Variants in PRR11 observed in about 807,000 individuals in gnomAD.
The protein encoded by PRR11 is proline rich 11, also known as proline-rich protein 11.
Under a neutral mutation model 45.6 loss-of-function variants are expected in PRR11, and 30 were observed. That is an observed-to-expected ratio of 0.66 (90% CI 0.49 to 0.89). The LOEUF (loss-of-function observed/expected upper bound fraction) is 0.89, where lower values mean the gene tolerates loss of function less well. PRR11 is among the 40% of genes least tolerant of loss of function. The pLI is 0.00. For synonymous variants in PRR11, 128 were observed against 153.5 expected (o/e 0.83, Z 1.23); for missense variants, 373 against 424.8 (o/e 0.88, Z 1.07).
At chr17:59,165,649 G>A (rs1190395964) in intron 1 of PRR11, among the ~76,000 whole-genome samples, 3 of 151,858 alleles carry the variant, frequency 2.0e-5, no homozygotes, top group Non-Finnish European at 4.4e-5. Context: ...AAAATTAGCC[G>A]GGCGTGGTGG....
Position 59,197,706 on chromosome 17 carries a change from A to G in PRR11, c.931A>G (p.Thr311Ala), listed in dbSNP as rs1280710997. The G allele has an allele frequency of 2.5e-6, 4 of 1,614,046 alleles. No homozygotes were observed. The highest frequency in any genetic ancestry group is 3.4e-6 in the Non-Finnish European group (4 of 1,179,970). The change falls in exon 9 of 10, where the codon ACC becomes GCC. Residue 311 changes from threonine (T) to alanine (A), a missense_variant. Physicochemically the swap from Thr to Ala is moderately conservative, Grantham distance 58. Coordinates refer to ENST00000262293, the MANE Select transcript of PRR11 (RefSeq NM_018304.4). ...ATACCTTTGCAGGAGCCCAGGTGGA[A>G]CCCCTCTTACCAATAAGGAAAATAT... ...KVDVERSPGG[T>A]PLTNKENMET...
At position 59,205,632 on chromosome 17, in the gene PRR11, G is replaced by A. The variant is rs574621; in HGVS notation, c.*4001G>A. ...CAGAATGGCTTGAACCTGGGAGGCA[G>A]AGGTTGCAGTGAGCCGAGATCGCCC... On this transcript the variant is annotated 3_prime_UTR_variant, in exon 10 of 10. Transcript: ENST00000262293. 5.9e-5 allele frequency among the ~76,000 whole-genome samples: 9 copies of A among 151,804 alleles called. No individual in the cohort carries two copies. Among genetic ancestry groups the A allele is most frequent in the African/African-American group, 1.5e-4 (6 of 41,366 alleles).
chr17:59,174,780 A>G (rs1282215833), intron 2 of PRR11, among the ~76,000 whole-genome samples: 1 of 152,104 alleles, frequency 6.6e-6, no homozygotes, highest in South Asian at 2.1e-4. Flanking sequence ...CTGGAGCTCT[A>G]GGAAACGCGG....
intron 4 of PRR11, among the ~76,000 whole-genome samples, chr17:59,188,020 A>G (rs1266119184): frequency 6.6e-6 from 1 of 152,172 alleles, no homozygotes; most frequent in Non-Finnish European, 1.5e-5. Context: ...AAACTCATTT[A>G]CAGAACTTTT....
In PRR11 at chr17:59,193,884, G is replaced by A. The variant is rs556413076; in HGVS notation, c.645+150G>A. ...TCTGATTCCGTATCTTAATTATTGT[G>A]TTTTTAAAATCTCAGTTCCTGAGAA... On this transcript the variant is annotated intron_variant, in intron 5 of 9. Transcript: ENST00000262293. 5 of 994,480 alleles carry A rather than the reference G, an allele frequency of 5.0e-6. No individual in the cohort carries two copies. The African/African-American group carries it at 8.1e-5, about 16-fold the overall frequency. The allele number at this position is 994,480 out of a possible 1,614,324, so 61.6% of individuals were successfully genotyped here. A position where few individuals can be genotyped will look rare whatever the true frequency, so the allele number is the denominator to read the frequency against.
intron 1 of PRR11, among the ~76,000 whole-genome samples, chr17:59,166,671 GAT>G (rs2147835247): frequency 6.6e-6 from 1 of 152,036 alleles, no homozygotes; most frequent in Non-Finnish European, 1.5e-5. Context: ...AGAAAGAACA[GAT>G]ATATTTATAT....
intron 1 of PRR11, among the ~76,000 whole-genome samples, chr17:59,165,732 C>A (rs894649147): frequency 6.6e-6 from 1 of 151,774 alleles, no homozygotes; most frequent in African/African-American, 2.4e-5. Flanking sequence ...GCAGAGGTTG[C>A]GGTGAGCCGA....
intron 1 of PRR11, among the ~76,000 whole-genome samples, chr17:59,159,150 C>A (rs2046639921): frequency 6.6e-6 from 1 of 152,150 alleles, no homozygotes; most frequent in Non-Finnish European, 1.5e-5. Flanking sequence ...TAACCCTCTA[C>A]TCCAATAGGA....
rs1286142686 is a variant in PRR11, at chr17:59,168,558, C to T, written c.-5-1190C>T. Among the ~76,000 whole-genome samples, 7 of 151,672 alleles carry T rather than the reference C, an allele frequency of 4.6e-5. No homozygotes were observed. The East Asian group carries it at 7.9e-4, about 17-fold the overall frequency. Reference sequence around the variant, plus strand: ...TGGGATTACGCCACCAGTGTGGTGGCGTGTGCCTGTGGTCCCAGCTACTTG... The same window carrying T: ...TGGGATTACGCCACCAGTGTGGTGGTGTGTGCCTGTGGTCCCAGCTACTTG... On this transcript the variant is annotated intron_variant, in intron 1 of 9. Coordinates refer to ENST00000262293, the MANE Select transcript of PRR11 (RefSeq NM_018304.4).
In PRR11 at chr17:59,201,461, C is replaced by T; in HGVS notation, c.1015-102C>T. On this transcript the variant is annotated intron_variant, in intron 9 of 9. Coordinates refer to ENST00000262293, the MANE Select transcript of PRR11 (RefSeq NM_018304.4). ...AAAAGTGGTTTTTACAATCTGAATG[C>T]AGTGTTGCCATGCAAAAATTCTGGG... is the stretch of plus-strand genomic sequence containing the variant. The T allele has an allele frequency of 4.3e-6, 5 of 1,155,120 alleles. No individual in the cohort carries two copies. The South Asian group carries it at 6.3e-5, about 15-fold the overall frequency. The allele number at this position is 1,155,120 out of a possible 1,614,324, so 71.6% of individuals were successfully genotyped here.
At chr17:59,180,465 G>T (rs1272651264) in intron 2 of PRR11, among the ~76,000 whole-genome samples, 1 of 146,054 alleles carries the variant, frequency 6.8e-6, no homozygotes, top group Non-Finnish European at 1.5e-5. Context: ...ACCTCCTCAG[G>T]TGCTCCTTCC....
At chr17:59,182,878 C>T (rs1412308783) in intron 2 of PRR11, among the ~76,000 whole-genome samples, 5 of 152,134 alleles carry the variant, frequency 3.3e-5, no homozygotes, top group Non-Finnish European at 5.9e-5. Context: ...AAAATCTATC[C>T]CAACCCACGG....
intron 1 of PRR11, among the ~76,000 whole-genome samples, chr17:59,157,599 G>T (rs1236211836): frequency 6.6e-6 from 1 of 152,054 alleles, no homozygotes; most frequent in African/African-American, 2.4e-5. Context: ...GTGCTCAAGA[G>T]GCTGAAGCAG....
At chr17:59,184,443 C>T (rs1478288291) in intron 2 of PRR11, among the ~76,000 whole-genome samples, 1 of 152,142 alleles carries the variant, frequency 6.6e-6, no homozygotes, top group Non-Finnish European at 1.5e-5. Context: ...GCCTGGGCAA[C>T]AAGAGCAAAA....
rs1159764728 is a variant in PRR11 at position 59,194,306 on chromosome 17, A to ACACAC, written c.646-451_646-450insCACAC. ...ACACACACACACACACACACACACA[A>ACACAC]AACAAAACCTGGAGCCTATTGTTAT... On this transcript the variant is annotated intron_variant, in intron 5 of 9. Transcript: ENST00000262293. Among the ~76,000 whole-genome samples, 6 of 107,540 alleles carry ACACAC rather than the reference A, an allele frequency of 5.6e-5. 1 individual carries two copies. The South Asian group carries it at 1.1e-3, about 20-fold the overall frequency. 70.6% of individuals were successfully genotyped at this position (107,540 alleles called of 152,430 possible). A position where few individuals can be genotyped will look rare whatever the true frequency, so the allele number is the denominator to read the frequency against.
At chr17:59,164,409 G>A (rs1386290271) in intron 1 of PRR11, among the ~76,000 whole-genome samples, 3 of 152,072 alleles carry the variant, frequency 2.0e-5, no homozygotes, top group Non-Finnish European at 4.4e-5. Flanking sequence ...CTATGATGGG[G>A]CCGGGCGTAG....
At chr17:59,197,452 CGTGT>C in intron 7 of PRR11, 88 bp from the exon 8 acceptor site, 1 of 1,181,156 alleles carries the variant, frequency 8.5e-7, no homozygotes, top group Admixed American at 1.9e-5. Flanking sequence ...AAGGTTTCAC[CGTGT>C]TAGCAAGGAT....
In PRR11 at chr17:59,206,091, G is replaced by C. The variant is rs888394258; in HGVS notation, c.*4460G>C. ...AAAAAGAAAAATGCTTTATGGCCCA[G>C]TGCAGTGGCTCACACCTATAATCCT... On this transcript the variant is annotated 3_prime_UTR_variant, in exon 10 of 10. Coordinates refer to ENST00000262293, the MANE Select transcript of PRR11 (RefSeq NM_018304.4). Among the ~76,000 whole-genome samples, 7 of 152,006 alleles carry C rather than the reference G, an allele frequency of 4.6e-5. No homozygotes were observed. The highest frequency in any genetic ancestry group is 1.3e-4 in the Admixed American group (2 of 15,224).
Position 59,178,462 on chromosome 17 carries a change from A to G in PRR11, c.129-6592A>G. The stretch of plus-strand genomic sequence containing the variant: ...GAAGCAGGAACACGGTTCCGTGGAG[A>G]ACAAACTTACCTTGTCTGACAACCT... On this transcript the variant is annotated intron_variant, in intron 2 of 9. Coordinates refer to ENST00000262293, the MANE Select transcript of PRR11 (RefSeq NM_018304.4). 3 of 514,752 alleles carry G rather than the reference A, an allele frequency of 5.8e-6. No homozygotes were observed. In the Admixed American group the frequency reaches 5.9e-5, roughly 10 times the overall value. 31.9% of individuals were successfully genotyped at this position (514,752 alleles called of 1,614,324 possible).
Sources: allele counts gnomAD v4.1 joint callset (sites outside exome capture counted in the v4.1 genomes callset), GRCh38; gene constraint gnomAD v4.1.1; transcripts MANE v1.5; gene names NCBI Gene and HGNC (gene_info 2026-07-23, HGNC 2026-07-21).